Variants in LIPJ observed in about 807,000 individuals in gnomAD.
LIPJ encodes lipase member J.
In LIPJ, 33 loss-of-function variants were observed where a neutral mutation model predicts 39.8. The observed-to-expected ratio is 0.83, with a 90% CI of 0.63 to 1.11. LIPJ has a LOEUF of 1.11. Among genes scored for constraint, LIPJ ranks in the 50% least tolerant of loss-of-function variants. LIPJ has a pLI of 0.00. For missense variants in LIPJ, 422 were observed against 427.9 expected (o/e 0.99, Z 0.12); for synonymous variants, 128 against 139.2 (o/e 0.92, Z 0.57).
downstream of LIPJ, among the ~76,000 whole-genome samples, chr10:88,609,682 C>G (rs367634590): frequency 6.6e-6 from 1 of 152,056 alleles, no homozygotes; most frequent in South Asian, 2.1e-4. Flanking sequence ...GGGTGGATCA[C>G]GAGGTCAAGA....
the LIPJ span, among the ~76,000 whole-genome samples, chr10:88,616,490 G>A: frequency 6.6e-6 from 1 of 152,234 alleles, no homozygotes; most frequent in Non-Finnish European, 1.5e-5. Flanking sequence ...CTCAGTTGGC[G>A]CCGAGCGCCC....
chr10:88,598,334 G>GAATTGAAAGC (rs1446238532), intron 8 of LIPJ, among the ~76,000 whole-genome samples: 1 of 152,104 alleles, frequency 6.6e-6, no homozygotes, highest in South Asian at 2.1e-4. Flanking sequence ...ACCAACCAGA[G>GAATTGAAAGC]AATTGAAAGC....
chr10:88,606,311 G>A (rs575575371), intron 10 of LIPJ, among the ~76,000 whole-genome samples: 7 of 152,204 alleles, frequency 4.6e-5, no homozygotes, highest in East Asian at 3.9e-4. Flanking sequence ...CAGAGTTGAC[G>A]TGGACTGCCA....
At chr10:88,590,940 T>C (rs934785610) in intron 3 of LIPJ, among the ~76,000 whole-genome samples, 2 of 151,828 alleles carry the variant, frequency 1.3e-5, no homozygotes, top group African/African-American at 2.4e-5. Flanking sequence ...AAGGTATGAA[T>C]ATATATCTCC....
At chr10:88,603,393 G>A (rs569002569) in intron 9 of LIPJ, among the ~76,000 whole-genome samples, 1 of 152,148 alleles carries the variant, frequency 6.6e-6, no homozygotes, top group African/African-American at 2.4e-5. Flanking sequence ...TTTTGTTCAC[G>A]TTTGTATTTC....
intron 5 of LIPJ, 143 bp downstream of exon 5, chr10:88,594,287 T>C: frequency 6.2e-6 from 4 of 646,280 alleles, no homozygotes; most frequent in Non-Finnish European, 1.0e-5. Flanking sequence ...GAATTTTTGC[T>C]TGAAAATTAA....
chr10:88,621,353 G>C, the LIPJ span, among the ~76,000 whole-genome samples: 1 of 152,154 alleles, frequency 6.6e-6, no homozygotes, highest in Non-Finnish European at 1.5e-5. Context: ...AGTCTTGATA[G>C]ATGCAATAAC....
At chr10:88,620,544 C>A in the LIPJ span, among the ~76,000 whole-genome samples, 3 of 152,070 alleles carry the variant, frequency 2.0e-5, no homozygotes, top group East Asian at 5.8e-4. Flanking sequence ...GAAAGGACTA[C>A]ACAAAAGGAT....
intron 9 of LIPJ, among the ~76,000 whole-genome samples, chr10:88,603,521 A>G (rs1335931198): frequency 1.3e-5 from 2 of 152,240 alleles, no homozygotes; most frequent in Non-Finnish European, 2.9e-5. Flanking sequence ...AGGATAACAT[A>G]GTAGAAAGAA....
At chr10:88,601,100 C>A (rs1046685298) in intron 8 of LIPJ, among the ~76,000 whole-genome samples, 4 of 152,222 alleles carry the variant, frequency 2.6e-5, no homozygotes, top group African/African-American at 7.2e-5. Flanking sequence ...CGACACACGC[C>A]ACCATGACTG....
At chr10:88,622,974 G>C in the LIPJ span, among the ~76,000 whole-genome samples, 1 of 151,986 alleles carries the variant, frequency 6.6e-6, no homozygotes, top group East Asian at 1.9e-4. Context: ...ATGTAGCTTT[G>C]ATAAAAATTA....
At chr10:88,608,268 G>A (rs574540591), downstream of LIPJ, among the ~76,000 whole-genome samples, 3 of 152,306 alleles carry the variant, frequency 2.0e-5, no homozygotes, top group South Asian at 2.1e-4. Context: ...ACTATAGAAC[G>A]CTTCGCCTCT....
upstream of LIPJ, chr10:88,583,164 G>T (rs771349744): frequency 1.2e-6 from 2 of 1,614,014 alleles, no homozygotes. Context: ...CTGTCATCCC[G>T]GCGCCCACGA....
At chr10:88,603,284 C>T (rs979965363) in intron 9 of LIPJ, among the ~76,000 whole-genome samples, 9 of 152,040 alleles carry the variant, frequency 5.9e-5, no homozygotes, top group Admixed American at 1.3e-4. Flanking sequence ...AAAATCTGAC[C>T]GGAACACAGT....
upstream of LIPJ, among the ~76,000 whole-genome samples, chr10:88,585,134 C>G (rs77463345): frequency 0.014 from 2,207 of 152,252 alleles, 64 homozygotes; most frequent in African/African-American, 0.05. Context: ...TTGCAGTAAT[C>G]TATTTCAACT....
At chr10:88,608,104 G>A (rs1020336454), downstream of LIPJ, among the ~76,000 whole-genome samples, 4 of 152,136 alleles carry the variant, frequency 2.6e-5, no homozygotes, top group Non-Finnish European at 5.9e-5. Context: ...AGCCTAACCT[G>A]CAGGGTTTTA....
chr10:88,602,553 T>C, intron 8 of LIPJ, 23 bp from the exon 9 acceptor site: 2 of 616,952 alleles, frequency 3.2e-6, no homozygotes, highest in Non-Finnish European at 4.4e-6. Flanking sequence ...AAAAATGCTT[T>C]TTTTTTTTTT....
intron 8 of LIPJ, among the ~76,000 whole-genome samples, chr10:88,597,211 G>A (rs1233407456): frequency 6.6e-6 from 1 of 151,500 alleles, no homozygotes; most frequent in African/African-American, 2.4e-5. Flanking sequence ...TTTGCTATTG[G>A]GTATTAGTTT....
intron 8 of LIPJ, among the ~76,000 whole-genome samples, chr10:88,599,002 T>C (rs955650505): frequency 3.5e-5 from 5 of 144,570 alleles, no homozygotes; most frequent in African/African-American, 1.2e-4. Context: ...TATTATATTA[T>C]ATTATAATAA....
Sources: gnomAD v4.1 joint callset for allele counts (sites outside exome capture counted in the v4.1 genomes callset) on GRCh38, gnomAD v4.1.1 for gene constraint, MANE v1.5 for transcripts, NCBI Gene and HGNC (gene_info 2026-07-23, HGNC 2026-07-21) for gene names.